Variants in SHROOM3 observed in about 807,000 individuals in gnomAD.
SHROOM3 encodes shroom family member 3.
A neutral mutation model predicts 138.6 loss-of-function variants in SHROOM3; 47 were observed. That is an observed-to-expected ratio of 0.34 (90% CI 0.27 to 0.43). SHROOM3 has a LOEUF of 0.43. Ranked by LOEUF, SHROOM3 falls within the 20% of genes least tolerant of loss-of-function variation. The probability of loss-of-function intolerance (pLI) is 1.00; values close to 1 mark genes in which losing one functional copy is unlikely to be tolerated. For synonymous variants in SHROOM3, 1,062 were observed against 1,063.3 expected (o/e 1.00, Z 0.02); for missense variants, 2,491 against 2,596.5 (o/e 0.96, Z 0.88).
At chr4:76,443,005 G>T (rs1269903669) in intron 1 of SHROOM3, among the ~76,000 whole-genome samples, 1 of 152,162 alleles carries the variant, frequency 6.6e-6, no homozygotes, top group Non-Finnish European at 1.5e-5. Context: ...AAAAACTAAG[G>T]CAAGCAGGTT....
chr4:76,436,352 T>G, intron 1 of SHROOM3, 132 bp downstream of exon 1: 1 of 1,026,776 alleles, frequency 9.7e-7, no homozygotes, highest in Non-Finnish European at 1.4e-6. Context: ...TCTGATTATC[T>G]AGAAATATTT....
At chr4:76,474,796 A>T (rs1367084935) in intron 1 of SHROOM3, among the ~76,000 whole-genome samples, 1 of 152,020 alleles carries the variant, frequency 6.6e-6, no homozygotes, top group East Asian at 1.9e-4. Context: ...ACGTGGTGAT[A>T]CATGCCTGTA....
chr4:76,630,734 C>G (rs897638822), intron 2 of SHROOM3, among the ~76,000 whole-genome samples: 12 of 152,140 alleles, frequency 7.9e-5, no homozygotes, highest in African/African-American at 2.9e-4. Flanking sequence ...TTTGATGATT[C>G]TTAATGATAA....
At chr4:76,742,457 C>A (rs1415071679) in intron 5 of SHROOM3, among the ~76,000 whole-genome samples, 1 of 152,032 alleles carries the variant, frequency 6.6e-6, no homozygotes, top group Non-Finnish European at 1.5e-5. Flanking sequence ...TTTCATTTAA[C>A]CCTCATGATA....
At position 76,643,469 on chromosome 4, in the gene SHROOM3, C is replaced by A. The variant is rs1199018917; in HGVS notation, c.324-66687C>A. Among the ~76,000 whole-genome samples the A allele has an allele frequency of 2.0e-5, 3 of 152,048 alleles. No homozygotes were observed. The East Asian group carries it at 5.8e-4, about 29-fold the overall frequency. On this transcript the variant is annotated intron_variant, in intron 2 of 10. Transcript: ENST00000296043. Reference sequence around the variant, plus strand: ...AAGTCTGCCAAGGCCCAAATATTAACCACAAATGCCTGCTTCAGCAGGTTC... The same window carrying A: ...AAGTCTGCCAAGGCCCAAATATTAAACACAAATGCCTGCTTCAGCAGGTTC...
intron 4 of SHROOM3, among the ~76,000 whole-genome samples, chr4:76,737,277 T>TAA (rs1721100942): frequency 1.3e-5 from 2 of 152,050 alleles, no homozygotes; most frequent in African/African-American, 4.8e-5. Context: ...TTTTTTTTTT[T>TAA]AAGTAATGAA....
intron 1 of SHROOM3, among the ~76,000 whole-genome samples, chr4:76,455,793 AT>A (rs1731015283): frequency 6.6e-6 from 1 of 152,152 alleles, no homozygotes; most frequent in African/African-American, 2.4e-5. Context: ...TTCAGTAGGA[AT>A]AAAAATTGGT....
intron 1 of SHROOM3, among the ~76,000 whole-genome samples, chr4:76,507,902 A>T (rs1306385220): frequency 1.3e-5 from 2 of 152,282 alleles, no homozygotes; most frequent in South Asian, 2.1e-4. Flanking sequence ...TCATTTTAAA[A>T]ATTGAATTGT....
chr4:76,562,132 G>A (rs946914242), intron 2 of SHROOM3, among the ~76,000 whole-genome samples: 2 of 152,260 alleles, frequency 1.3e-5, no homozygotes, highest in African/African-American at 4.8e-5. Flanking sequence ...ACTTCCTTTG[G>A]GAAGGAAATG....
chr4:76,717,921 A>G lies in SHROOM3; in HGVS notation c.455+7634A>G, dbSNP rs140822825. Among the ~76,000 whole-genome samples the G allele has an allele frequency of 3.9e-3, 591 of 152,334 alleles. 1 individual carries two copies. The highest frequency in any genetic ancestry group is 0.014 in the Middle Eastern group (4 of 294). On this transcript the variant is annotated intron_variant, in intron 3 of 10. Coordinates refer to ENST00000296043, the MANE Select transcript of SHROOM3 (RefSeq NM_020859.4). Reference sequence around the variant, plus strand: ...TCATTATATTTTCTCTTATAATTCAAATTCAACTTTTATCCATATATAATC... The same window carrying G: ...TCATTATATTTTCTCTTATAATTCAGATTCAACTTTTATCCATATATAATC...
intron 2 of SHROOM3, among the ~76,000 whole-genome samples, chr4:76,606,617 C>T (rs1734628020): frequency 6.6e-6 from 1 of 152,072 alleles, no homozygotes; most frequent in Non-Finnish European, 1.5e-5. Flanking sequence ...GCAGGACAAT[C>T]ACTTGAACCC....
chr4:76,556,245 G>A (rs1733481814), intron 2 of SHROOM3, among the ~76,000 whole-genome samples: 1 of 152,220 alleles, frequency 6.6e-6, no homozygotes, highest in Non-Finnish European at 1.5e-5. Context: ...CCTCTGTTGG[G>A]AAAGTGTTGG....
chr4:76,620,070 C>CAAAAAAAAAAAAA (rs68039696), intron 2 of SHROOM3, among the ~76,000 whole-genome samples: 3 of 61,094 alleles, frequency 4.9e-5, no homozygotes, highest in Non-Finnish European at 6.4e-5. Context: ...GAATCTATCT[C>CAAAAAAAAAAAAA]AAAAAAAAAA....
intron 2 of SHROOM3, among the ~76,000 whole-genome samples, chr4:76,629,643 G>A (rs764515400): frequency 1.3e-5 from 2 of 152,178 alleles, no homozygotes; most frequent in African/African-American, 4.8e-5. Context: ...GGGAGATGTG[G>A]TTGGATTCTG....
intron 10 of SHROOM3, among the ~76,000 whole-genome samples, chr4:76,773,096 G>A (rs546999566): frequency 6.6e-6 from 1 of 152,140 alleles, no homozygotes; most frequent in Non-Finnish European, 1.5e-5. Context: ...GTGAGCTAAG[G>A]CTGGGTGCAG....
At chr4:76,538,912 C>T (rs1402917966) in intron 1 of SHROOM3, among the ~76,000 whole-genome samples, 1 of 152,088 alleles carries the variant, frequency 6.6e-6, no homozygotes, top group African/African-American at 2.4e-5. Context: ...AGTATGCAGC[C>T]TTTCCTTGAT....
chr4:76,691,441 C>T (rs1200820176), intron 2 of SHROOM3, among the ~76,000 whole-genome samples: 1 of 152,150 alleles, frequency 6.6e-6, no homozygotes, highest in African/African-American at 2.4e-5. Flanking sequence ...CCAAAAGTAC[C>T]TGAGCCCAGT....
intron 6 of SHROOM3, among the ~76,000 whole-genome samples, chr4:76,750,829 TTC>T (rs1236749612): frequency 6.6e-6 from 1 of 152,004 alleles, no homozygotes; most frequent in Admixed American, 6.6e-5. Flanking sequence ...AAAAAAAACT[TTC>T]TGAGCTGTAA....
chr4:76,611,175 G>A (rs1215315806), intron 2 of SHROOM3, among the ~76,000 whole-genome samples: 2 of 152,172 alleles, frequency 1.3e-5, no homozygotes, highest in African/African-American at 2.4e-5. Flanking sequence ...CTTTAAGTGA[G>A]TTGAAGATGA....
Sources: allele counts gnomAD v4.1 joint callset (sites outside exome capture counted in the v4.1 genomes callset), GRCh38; gene constraint gnomAD v4.1.1; transcripts MANE v1.5; gene names NCBI Gene and HGNC (gene_info 2026-07-23, HGNC 2026-07-21).